ST8SIA1: variants seen among roughly 807,000 people sequenced by gnomAD.
ST8SIA1 encodes ST8 alpha-N-acetyl-neuraminide alpha-2,8-sialyltransferase 1.
ST8SIA1 carries 16 observed loss-of-function variants against 35.9 expected under a neutral mutation model. The ratio of observed to expected loss-of-function variants is 0.45; its 90% CI spans 0.30 to 0.68. The LOEUF (loss-of-function observed/expected upper bound fraction) is 0.68. Among genes scored for constraint, ST8SIA1 ranks in the 30% least tolerant of loss-of-function variants. The pLI, the probability that ST8SIA1 is intolerant of heterozygous loss-of-function variation, is 0.09. For synonymous variants in ST8SIA1, 170 were observed against 169.6 expected (o/e 1.00, Z -0.02); for missense variants, 383 against 453.6 (o/e 0.84, Z 1.41).
At chr12:22,321,280 T>C (rs1430091201) in intron 1 of ST8SIA1, among the ~76,000 whole-genome samples, 1 of 152,074 alleles carries the variant, frequency 6.6e-6, no homozygotes, top group Non-Finnish European at 1.5e-5. Context: ...GGATGGAGTG[T>C]TTATCAGGAC....
At chr12:22,328,454 A>G (rs1866709800) in intron 1 of ST8SIA1, among the ~76,000 whole-genome samples, 1 of 152,184 alleles carries the variant, frequency 6.6e-6, no homozygotes. Flanking sequence ...TTTTTAATAC[A>G]TCATCACTAA....
At chr12:22,295,600 G>A (rs181844020) in intron 1 of ST8SIA1, among the ~76,000 whole-genome samples, 7 of 152,006 alleles carry the variant, frequency 4.6e-5, no homozygotes, top group African/African-American at 1.4e-4. Flanking sequence ...CTGATGTGGC[G>A]ATGCATGCCT....
intron 1 of ST8SIA1, among the ~76,000 whole-genome samples, chr12:22,321,551 G>A (rs973842557): frequency 2.6e-5 from 4 of 152,166 alleles, no homozygotes; most frequent in South Asian, 2.1e-4. Flanking sequence ...GGTGGTAGAC[G>A]CCAGAATTTT....
chr12:22,226,503 C>CTTT (rs879840303), intron 4 of ST8SIA1, among the ~76,000 whole-genome samples: 1 of 147,072 alleles, frequency 6.8e-6, no homozygotes, highest in Non-Finnish European at 1.5e-5. Flanking sequence ...GCTGTTAAAA[C>CTTT]TTTTTTTTTT....
intron 1 of ST8SIA1, among the ~76,000 whole-genome samples, chr12:22,327,444 A>AG (rs1433044155): frequency 1.3e-5 from 2 of 151,656 alleles, no homozygotes; most frequent in East Asian, 1.9e-4. Flanking sequence ...TGTACATACC[A>AG]GGGGGGCAAG....
chr12:22,273,147 CCCA>C (rs1377513149), intron 2 of ST8SIA1, among the ~76,000 whole-genome samples: 1 of 152,084 alleles, frequency 6.6e-6, no homozygotes, highest in Non-Finnish European at 1.5e-5. Context: ...CTGGCGAAAC[CCCA>C]CCTCCAAGTT....
chr12:22,254,484 C>A lies in ST8SIA1; in HGVS notation c.491+796G>T, dbSNP rs190003679. On this transcript the variant is annotated intron_variant, in intron 3 of 4. Transcript: ENST00000396037. ...GTGTGTTACTTTACACCCTCTCTAG[C>A]CAGAGCCCTCCAAGTTGTCACTCTT... 1.2e-3 allele frequency among the ~76,000 whole-genome samples: 176 copies of A among 152,252 alleles called. 1 individual carries two copies. Among genetic ancestry groups the A allele is most frequent in the Non-Finnish European group, 1.4e-3 (98 of 68,030 alleles).
chr12:22,302,944 C>T (rs1305949888), intron 1 of ST8SIA1, among the ~76,000 whole-genome samples: 1 of 152,036 alleles, frequency 6.6e-6, no homozygotes, highest in Non-Finnish European at 1.5e-5. Context: ...TTACATATAT[C>T]AATGGATGTC....
At chr12:22,301,189 T>C (rs969634848) in intron 1 of ST8SIA1, among the ~76,000 whole-genome samples, 7 of 152,072 alleles carry the variant, frequency 4.6e-5, no homozygotes, top group Non-Finnish European at 1.0e-4. Flanking sequence ...GGTGGTTTTA[T>C]AATCAGCTGT....
At chr12:22,299,875 G>C (rs1448252447) in intron 1 of ST8SIA1, among the ~76,000 whole-genome samples, 2 of 152,024 alleles carry the variant, frequency 1.3e-5, no homozygotes, top group South Asian at 2.1e-4. Context: ...AGTTCTGTTT[G>C]TTGTGGCCTG....
intron 3 of ST8SIA1, among the ~76,000 whole-genome samples, chr12:22,254,179 C>A (rs371721506): frequency 6.6e-6 from 1 of 152,190 alleles, no homozygotes; most frequent in African/African-American, 2.4e-5. Flanking sequence ...CCTGAAAGGT[C>A]CCTCAGAGTC....
intron 1 of ST8SIA1, among the ~76,000 whole-genome samples, chr12:22,310,108 T>G (rs1376684064): frequency 1.3e-5 from 2 of 152,180 alleles, no homozygotes; most frequent in East Asian, 3.9e-4. Context: ...AACTCTCTGG[T>G]CTTCAGTTTT....
At chr12:22,293,344 G>C (rs542547351) in intron 1 of ST8SIA1, among the ~76,000 whole-genome samples, 1 of 152,188 alleles carries the variant, frequency 6.6e-6, no homozygotes, top group Non-Finnish European at 1.5e-5. Flanking sequence ...GTTTGGTAAG[G>C]TTTCAAATTT....
intron 4 of ST8SIA1, among the ~76,000 whole-genome samples, chr12:22,219,065 G>A (rs1047332736): frequency 6.6e-6 from 1 of 151,976 alleles, no homozygotes; most frequent in African/African-American, 2.4e-5. Context: ...ACTTGGCTAT[G>A]CCCTCTCTAT....
chr12:22,297,732 A>G (rs1866263237), intron 1 of ST8SIA1, among the ~76,000 whole-genome samples: 1 of 152,126 alleles, frequency 6.6e-6, no homozygotes, highest in African/African-American at 2.4e-5. Context: ...TAGAATCTTT[A>G]TATTTGTGAA....
At chr12:22,270,732 A>G (rs796658073) in intron 2 of ST8SIA1, among the ~76,000 whole-genome samples, 17 of 152,366 alleles carry the variant, frequency 1.1e-4, no homozygotes, top group African/African-American at 4.1e-4. Flanking sequence ...TGATGGATAC[A>G]CTAAAAGCCC....
intron 1 of ST8SIA1, among the ~76,000 whole-genome samples, chr12:22,305,681 T>C (rs1222034463): frequency 2.0e-5 from 3 of 152,134 alleles, no homozygotes; most frequent in Non-Finnish European, 4.4e-5. Context: ...ATGCCCAGCC[T>C]AGCATACATT....
At chr12:22,313,776 T>A (rs1317678280) in intron 1 of ST8SIA1, among the ~76,000 whole-genome samples, 1 of 152,198 alleles carries the variant, frequency 6.6e-6, no homozygotes, top group Non-Finnish European at 1.5e-5. Context: ...TGAGCATGTG[T>A]TGCCAGCAGG....
chr12:22,228,724 G>A (rs1373496266), intron 4 of ST8SIA1, among the ~76,000 whole-genome samples: 1 of 152,128 alleles, frequency 6.6e-6, no homozygotes, highest in Non-Finnish European at 1.5e-5. Context: ...AAGAAAGTAG[G>A]AGACAGTGGT....
Sources: gnomAD v4.1 joint callset for allele counts (sites outside exome capture counted in the v4.1 genomes callset) on GRCh38, gnomAD v4.1.1 for gene constraint, MANE v1.5 for transcripts, NCBI Gene and HGNC (gene_info 2026-07-23, HGNC 2026-07-21) for gene names.